ZNF385D: variants seen among roughly 807,000 people sequenced by gnomAD.
ZNF385D encodes zinc finger protein 385D.
Under a neutral mutation model 35.8 loss-of-function variants are expected in ZNF385D, and 15 were observed. That is an observed-to-expected ratio of 0.42 (90% CI 0.28 to 0.64). The LOEUF is 0.64. Ranked by LOEUF, ZNF385D falls within the 30% of genes least tolerant of loss-of-function variation. The pLI, the probability that ZNF385D is intolerant of heterozygous loss-of-function variation, is 0.23. For synonymous variants in ZNF385D, 212 were observed against 186.8 expected (o/e 1.13, Z -1.10); for missense variants, 474 against 494.6 (o/e 0.96, Z 0.39).
At chr3:21,813,544 A>G (rs2073023148) in intron 3 of ZNF385D, among the ~76,000 whole-genome samples, 1 of 152,218 alleles carries the variant, frequency 6.6e-6, no homozygotes, top group Non-Finnish European at 1.5e-5. Context: ...CACGAGAATT[A>G]TGCGACTCAT....
chr3:21,459,383 C>T (rs1010907622), intron 4 of ZNF385D: 1 of 152,142 alleles, frequency 6.6e-6, no homozygotes, highest in Non-Finnish European at 1.5e-5. Flanking sequence ...ATATGGTAAG[C>T]TCCTCAATAA....
intron 2 of ZNF385D, among the ~76,000 whole-genome samples, chr3:22,327,947 A>C (rs965920459): frequency 4.6e-5 from 7 of 152,240 alleles, no homozygotes; most frequent in Non-Finnish European, 1.0e-4. Flanking sequence ...ATCATCTGGA[A>C]GAAACTGAAG....
At chr3:21,480,504 T>C (rs780793761) in intron 4 of ZNF385D, among the ~76,000 whole-genome samples, 7 of 152,096 alleles carry the variant, frequency 4.6e-5, no homozygotes, top group African/African-American at 7.2e-5. Flanking sequence ...CTCCTGTCAC[T>C]CAATATCAAA....
At chr3:22,361,190 T>C (rs780753383) in intron 2 of ZNF385D, among the ~76,000 whole-genome samples, 2 of 152,016 alleles carry the variant, frequency 1.3e-5, no homozygotes, top group African/African-American at 2.4e-5. Flanking sequence ...ACTCAGCTAA[T>C]GGACAAGATG....
chr3:21,980,999 G>A (rs1694410402), intron 3 of ZNF385D, among the ~76,000 whole-genome samples: 2 of 152,008 alleles, frequency 1.3e-5, no homozygotes, highest in African/African-American at 4.8e-5. Flanking sequence ...CCATGTCTTT[G>A]CTATTGTGAA....
chr3:22,161,191 A>G (rs1289536756), intron 3 of ZNF385D, among the ~76,000 whole-genome samples: 1 of 152,064 alleles, frequency 6.6e-6, no homozygotes, highest in Non-Finnish European at 1.5e-5. Flanking sequence ...CTAATTTCCT[A>G]TGGTAATTAA....
intron 3 of ZNF385D, among the ~76,000 whole-genome samples, chr3:21,543,320 C>T (rs1186012748): frequency 6.6e-6 from 1 of 152,190 alleles, no homozygotes; most frequent in Non-Finnish European, 1.5e-5. Flanking sequence ...TCTCGGAAAA[C>T]CGCTCACCCT....
intron 3 of ZNF385D, among the ~76,000 whole-genome samples, chr3:22,144,722 A>G (rs1167161493): frequency 6.6e-6 from 1 of 151,886 alleles, no homozygotes; most frequent in Non-Finnish European, 1.5e-5. Flanking sequence ...ATTTATTATT[A>G]TGTGTACAAT....
At chr3:21,884,424 G>A (rs1229005589) in intron 3 of ZNF385D, among the ~76,000 whole-genome samples, 3 of 151,958 alleles carry the variant, frequency 2.0e-5, no homozygotes, top group Non-Finnish European at 4.4e-5. Context: ...CCCTAGAATA[G>A]TTGTGTGGCC....
At chr3:21,976,244 T>A (rs539095163) in intron 3 of ZNF385D, among the ~76,000 whole-genome samples, 1 of 151,980 alleles carries the variant, frequency 6.6e-6, no homozygotes, top group East Asian at 1.9e-4. Context: ...TGACAACACA[T>A]TTTTTTTAGA....
intron 3 of ZNF385D, among the ~76,000 whole-genome samples, chr3:22,139,687 G>A (rs1166143722): frequency 2.0e-5 from 3 of 152,030 alleles, no homozygotes; most frequent in African/African-American, 4.8e-5. Context: ...ACTTGGTGCA[G>A]TACACCGACA....
chr3:21,536,180 A>G (rs993735899), intron 3 of ZNF385D, among the ~76,000 whole-genome samples: 2 of 152,110 alleles, frequency 1.3e-5, no homozygotes, highest in African/African-American at 4.8e-5. Context: ...TTGGGAATTT[A>G]TCACCAGGTA....
At chr3:21,548,272 T>C (rs2062449803) in intron 3 of ZNF385D, among the ~76,000 whole-genome samples, 1 of 152,206 alleles carries the variant, frequency 6.6e-6, no homozygotes, top group African/African-American at 2.4e-5. Flanking sequence ...ATACTGTTTC[T>C]ACCTTCATTT....
intron 4 of ZNF385D, among the ~76,000 whole-genome samples, chr3:21,499,618 C>T (rs1261277226): frequency 3.3e-5 from 5 of 150,820 alleles, no homozygotes; most frequent in Admixed American, 2.6e-4. Context: ...AAATGCACCA[C>T]TAAACCTAAT....
intron 3 of ZNF385D, among the ~76,000 whole-genome samples, chr3:21,883,132 G>A (rs1189180201): frequency 1.3e-5 from 2 of 151,874 alleles, no homozygotes; most frequent in African/African-American, 2.4e-5. Context: ...TTTGTATGCA[G>A]ATAAGACTAT....
chr3:22,033,226 A>G (rs1336422908), intron 3 of ZNF385D, among the ~76,000 whole-genome samples: 2 of 151,828 alleles, frequency 1.3e-5, no homozygotes, highest in Admixed American at 1.3e-4. Context: ...ACATGGTGGA[A>G]CCCTGTCTCT....
chr3:22,241,012 A>C (rs1188669689), intron 2 of ZNF385D, among the ~76,000 whole-genome samples: 1 of 151,156 alleles, frequency 6.6e-6, no homozygotes, highest in Non-Finnish European at 1.5e-5. Context: ...GCACAGTTTA[A>C]GTGTTATGTG....
chr3:21,916,938 G>A (rs778448068), intron 3 of ZNF385D, among the ~76,000 whole-genome samples: 2 of 152,148 alleles, frequency 1.3e-5, no homozygotes, highest in African/African-American at 4.8e-5. Flanking sequence ...GTCGATTAGC[G>A]TTAGCTCCCC....
At chr3:21,873,296 A>T (rs1233229975) in intron 3 of ZNF385D, among the ~76,000 whole-genome samples, 2 of 152,106 alleles carry the variant, frequency 1.3e-5, no homozygotes, top group Middle Eastern at 3.2e-3. Flanking sequence ...CAGTGACCAC[A>T]TGGGCGGTAT....
Sources: allele counts gnomAD v4.1 joint callset (sites outside exome capture counted in the v4.1 genomes callset), GRCh38; gene constraint gnomAD v4.1.1; transcripts MANE v1.5; gene names NCBI Gene and HGNC (gene_info 2026-07-23, HGNC 2026-07-21).